The following DDHD1 variants were observed in gnomAD, a reference collection of about 807,000 sequenced individuals.
DDHD1 encodes the protein phospholipase DDHD1.
In DDHD1, 49 loss-of-function variants were observed where a neutral mutation model predicts 96.4. That is an observed-to-expected ratio of 0.51 (90% CI 0.40 to 0.64). The LOEUF (loss-of-function observed/expected upper bound fraction) is 0.64, where lower values mean the gene tolerates loss of function less well. Among genes scored for constraint, DDHD1 ranks in the 30% least tolerant of loss-of-function variants. The pLI is 0.00. For missense variants in DDHD1, 1,106 were observed against 1,161.2 expected (o/e 0.95, Z 0.69); for synonymous variants, 442 against 446.5 (o/e 0.99, Z 0.13).
At chr14:53,139,568 G>A (rs541820879) in intron 1 of DDHD1, among the ~76,000 whole-genome samples, 3 of 152,076 alleles carry the variant, frequency 2.0e-5, no homozygotes, top group East Asian at 1.9e-4. Flanking sequence ...CACACTAAAC[G>A]TCTAGCGAAA....
At chr14:53,074,981 G>A (rs1342755660) in intron 4 of DDHD1, among the ~76,000 whole-genome samples, 2 of 152,024 alleles carry the variant, frequency 1.3e-5, no homozygotes, top group Admixed American at 6.6e-5. Context: ...GAGCTTAATC[G>A]ATAAATGTAT....
chr14:53,043,761 A>G lies in DDHD1; in HGVS notation c.*3007T>C, dbSNP rs1881823468. The G allele has an allele frequency of 6.6e-6, 1 of 152,176 alleles. No individual in the cohort carries two copies. The highest frequency in any genetic ancestry group is 2.4e-5 in the African/African-American group (1 of 41,448). 9.4% of individuals were successfully genotyped at this position (152,176 alleles called of 1,614,324 possible). On this transcript the variant is annotated 3_prime_UTR_variant, in exon 13 of 13. Transcript: ENST00000673822. ...GTATATTTTTAAATTATGTCCTAAA[A>G]CACAGAAACACTGGATTATAAACAA...
intron 1 of DDHD1, among the ~76,000 whole-genome samples, chr14:53,136,476 T>C (rs983489127): frequency 1.3e-5 from 2 of 152,174 alleles, no homozygotes; most frequent in South Asian, 4.1e-4. Context: ...ACAGGGCATT[T>C]TGGCACTGTA....
intron 2 of DDHD1, chr14:53,103,025 A>ACT (rs1887424734): frequency 6.4e-7 from 1 of 1,566,868 alleles, no homozygotes; most frequent in Non-Finnish European, 8.7e-7. Context: ...GTACAGTTAT[A>ACT]CTCACCAGAA....
At chr14:53,071,720 C>A (rs936187316) in intron 6 of DDHD1, among the ~76,000 whole-genome samples, 1 of 152,110 alleles carries the variant, frequency 6.6e-6, no homozygotes, top group African/African-American at 2.4e-5. Context: ...TAACAGTCTG[C>A]AGTAAAGTGG....
At chr14:53,054,699 A>AG in intron 10 of DDHD1, 70 bp from the exon 11 acceptor site, 1 of 1,482,928 alleles carries the variant, frequency 6.7e-7, no homozygotes, top group Non-Finnish European at 9.2e-7. Context: ...AGCACCACCC[A>AG]TAATTATAGC....
chr14:53,090,452 T>C (rs1375019129), intron 4 of DDHD1, among the ~76,000 whole-genome samples: 1 of 152,150 alleles, frequency 6.6e-6, no homozygotes, highest in African/African-American at 2.4e-5. Context: ...CTATTCACAA[T>C]AGCAAAGACT....
chr14:53,120,972 C>G (rs537952086), intron 1 of DDHD1, among the ~76,000 whole-genome samples: 3 of 152,096 alleles, frequency 2.0e-5, no homozygotes, highest in African/African-American at 4.8e-5. Flanking sequence ...AGCTTCTGCA[C>G]AGCAAAATAA....
chr14:53,080,717 C>CTTCCTTTTT lies in DDHD1; in HGVS notation c.1290-6871_1290-6870insAAAAAGGAA, dbSNP rs781757807. Among the ~76,000 whole-genome samples the CTTCCTTTTT allele has an allele frequency of 7.9e-3, 709 of 89,410 alleles. 40 individuals carry two copies. The highest frequency in any genetic ancestry group is 0.035 in the African/African-American group (679 of 19,226). The allele number at this position is 89,410 out of a possible 152,430, so 58.7% of individuals were successfully genotyped here. A position where few individuals can be genotyped will look rare whatever the true frequency, so the allele number is the denominator to read the frequency against. On this transcript the variant is annotated intron_variant, in intron 4 of 12. Coordinates refer to ENST00000673822, the MANE Select transcript of DDHD1 (RefSeq NM_001160148.2). ...ATAATTTCATTTCTTTTCCTTCCCC[C>CTTCCTTTTT]TTTTTTTTTTTTTTTTTTTTGGAGA...
At chr14:53,061,337 T>A (rs1566526839) in intron 7 of DDHD1, 136 bp from the exon 8 acceptor site, 2 of 616,562 alleles carry the variant, frequency 3.2e-6, no homozygotes, top group East Asian at 6.1e-5. Flanking sequence ...TGACAGTATT[T>A]AATAAATGTC....
At chr14:53,121,699 C>G (rs183527401) in intron 1 of DDHD1, among the ~76,000 whole-genome samples, 1 of 152,178 alleles carries the variant, frequency 6.6e-6, no homozygotes, top group Non-Finnish European at 1.5e-5. Flanking sequence ...ACCCCATGTT[C>G]TCAGTCAAAA....
Position 53,152,250 on chromosome 14 carries a change from C to A in DDHD1, c.838+11G>T. Reference sequence around the variant, plus strand: ...CAGCCCGTCCTGCCCTAACCCCGGCCCGCTACTCACGGTTCCAGTACACCG... The same window carrying A: ...CAGCCCGTCCTGCCCTAACCCCGGCACGCTACTCACGGTTCCAGTACACCG... On this transcript the variant is annotated intron_variant, in intron 1 of 12. Transcript: ENST00000673822. 1 of 1,589,494 alleles carries A rather than the reference C, an allele frequency of 6.3e-7. No individual in the cohort carries two copies. The highest frequency in any genetic ancestry group is 8.6e-7 in the Non-Finnish European group (1 of 1,166,024).
intron 1 of DDHD1, among the ~76,000 whole-genome samples, chr14:53,135,163 G>A (rs994565910): frequency 1.3e-5 from 2 of 152,130 alleles, no homozygotes; most frequent in Non-Finnish European, 2.9e-5. Context: ...CATATCCCCT[G>A]TGACCTGCAG....
intron 1 of DDHD1, among the ~76,000 whole-genome samples, chr14:53,123,241 A>G (rs1427825166): frequency 6.6e-6 from 1 of 150,830 alleles, no homozygotes; most frequent in Admixed American, 6.6e-5. Context: ...CCGCCTCCAG[A>G]GTTCTAGTGA....
intron 4 of DDHD1, among the ~76,000 whole-genome samples, chr14:53,083,428 C>CT (rs1464269275): frequency 6.6e-6 from 1 of 152,158 alleles, no homozygotes; most frequent in Non-Finnish European, 1.5e-5. Context: ...CCATTTATCC[C>CT]TTTTAGTAAA....
At position 53,153,219 on chromosome 14, in the gene DDHD1, C is replaced by G. The variant is rs1891602851; in HGVS notation, c.-121G>C. Reference sequence around the variant, plus strand: ...GTTTCTAATCTTTCAAATCCCGACCCGAGCTGCGGCGGCAGCGGCGACCGC... The same window carrying G: ...GTTTCTAATCTTTCAAATCCCGACCGGAGCTGCGGCGGCAGCGGCGACCGC... On this transcript the variant is annotated 5_prime_UTR_variant, in exon 1 of 13. Coordinates refer to ENST00000673822, the MANE Select transcript of DDHD1 (RefSeq NM_001160148.2). 2 of 912,518 alleles carry G rather than the reference C, an allele frequency of 2.2e-6. No individual in the cohort carries two copies. Among genetic ancestry groups the G allele is most frequent in the Non-Finnish European group, 3.0e-6 (2 of 675,324 alleles). 56.5% of individuals were successfully genotyped at this position (912,518 alleles called of 1,614,324 possible). A position where few individuals can be genotyped will look rare whatever the true frequency, so the allele number is the denominator to read the frequency against.
chr14:53,103,163 T>C, intron 2 of DDHD1: 1 of 1,023,960 alleles, frequency 9.8e-7, no homozygotes. Context: ...TATACAGTAT[T>C]TTGAACTGTT....
rs575888811 is a variant in DDHD1 at position 53,084,680 on chromosome 14, G to A, written c.1289+7105C>T. Among the ~76,000 whole-genome samples the A allele has an allele frequency of 3.9e-5, 6 of 152,300 alleles. No individual in the cohort carries two copies. The South Asian group carries it at 1.0e-3, about 26-fold the overall frequency. The stretch of plus-strand genomic sequence containing the variant: ...TTTCCAAGATGGTCAAATAGGAACA[G>A]CTCTGGTCTGCAGCTCCCAGCTTGA... On this transcript the variant is annotated intron_variant, in intron 4 of 12. Coordinates refer to ENST00000673822, the MANE Select transcript of DDHD1 (RefSeq NM_001160148.2).
chr14:53,139,252 C>A (rs1436851709), intron 1 of DDHD1, among the ~76,000 whole-genome samples: 2 of 152,072 alleles, frequency 1.3e-5, no homozygotes, highest in Admixed American at 6.5e-5. Flanking sequence ...TAAGGCAGAA[C>A]CAGAACAACA....
Sources: allele counts gnomAD v4.1 joint callset (sites outside exome capture counted in the v4.1 genomes callset), GRCh38; gene constraint gnomAD v4.1.1; transcripts MANE v1.5; gene names NCBI Gene and HGNC (gene_info 2026-07-23, HGNC 2026-07-21).